Variants in CD38 observed in about 807,000 individuals in gnomAD.
The protein encoded by CD38 is ADP-ribosyl cyclase/cyclic ADP-ribose hydrolase 1.
Under a neutral mutation model 36.3 loss-of-function variants are expected in CD38, and 31 were observed. The observed-to-expected ratio is 0.85, with a 90% CI of 0.64 to 1.15. The LOEUF (loss-of-function observed/expected upper bound fraction) is 1.15. Ranked by LOEUF, CD38 falls within the 50% of genes most tolerant of loss-of-function variation. The pLI, the probability that CD38 is intolerant of heterozygous loss-of-function variation, is 0.00. For synonymous variants in CD38, 131 were observed against 135.2 expected, an observed-to-expected ratio of 0.97 and a Z score of 0.22; for missense variants, 380 against 371.9, an observed-to-expected ratio of 1.02 and a Z score of -0.18.
At chr4:15,790,557 C>T (rs1348031386) in intron 1 of CD38, among the ~76,000 whole-genome samples, 2 of 152,124 alleles carry the variant, frequency 1.3e-5, no homozygotes, top group East Asian at 3.9e-4. Context: ...CTGCCTTGGC[C>T]CCCCAAAGTG....
intron 1 of CD38, 25 bp from the exon 2 acceptor site, chr4:15,816,486 T>C (rs1410888352): frequency 6.4e-7 from 1 of 1,551,172 alleles, no homozygotes; most frequent in East Asian, 2.3e-5. Context: ...ATAATTTATG[T>C]TTTATTTTCT....
chr4:15,820,716 T>A (rs1487126069), intron 2 of CD38, among the ~76,000 whole-genome samples: 2 of 151,274 alleles, frequency 1.3e-5, no homozygotes, highest in African/African-American at 4.9e-5. Context: ...TCAAAGAGAT[T>A]TAGATACCCA....
chr4:15,808,303 C>G (rs1351921890), intron 1 of CD38, among the ~76,000 whole-genome samples: 1 of 152,212 alleles, frequency 6.6e-6, no homozygotes, highest in African/African-American at 2.4e-5. Context: ...TTACCTGTTA[C>G]ACAGTGTGGT....
chr4:15,790,429 C>T (rs1159409779), intron 1 of CD38, among the ~76,000 whole-genome samples: 5 of 152,000 alleles, frequency 3.3e-5, no homozygotes, highest in African/African-American at 4.8e-5. Context: ...CCGCCGGCCT[C>T]GGCCTCCCGA....
chr4:15,839,482 GAC>G (rs1000004314), intron 5 of CD38, among the ~76,000 whole-genome samples: 2 of 133,724 alleles, frequency 1.5e-5, no homozygotes, highest in Non-Finnish European at 3.1e-5. Context: ...GGAGTGCAGT[GAC>G]ACGGTCTCCG....
rs78519135 is a variant in CD38 at position 15,807,228 on chromosome 4, T to C, written c.234-9283T>C. On this transcript the variant is annotated intron_variant, in intron 1 of 7. Coordinates refer to ENST00000226279, the MANE Select transcript of CD38 (RefSeq NM_001775.4). ...AAGGAGACTGGCTTTTCCTGGATGC[T>C]GCCAGGAAGTAGTGGGATGGTAGTA... is the stretch of plus-strand genomic sequence containing the variant. Among the ~76,000 whole-genome samples the C allele has an allele frequency of 5.1e-3, 781 of 152,264 alleles. 5 individuals carry two copies. The highest frequency in any genetic ancestry group is 0.018 in the African/African-American group (742 of 41,558).
At chr4:15,839,722 T>C (rs1458090193) in intron 5 of CD38, among the ~76,000 whole-genome samples, 1 of 152,116 alleles carries the variant, frequency 6.6e-6, no homozygotes, top group African/African-American at 2.4e-5. Flanking sequence ...CATGCCTGGC[T>C]GAAATTCTAC....
Position 15,790,154 on chromosome 4 carries a change from T to C in CD38, c.233+11507T>C, listed in dbSNP as rs868345374. The stretch of plus-strand genomic sequence containing the variant: ...CTCTCCCTCTCCCTCTCCCTCTCCC[T>C]CTCCCCCTCTCCCTCCCCCTCCCCC... On this transcript the variant is annotated intron_variant, in intron 1 of 7. Coordinates refer to ENST00000226279, the MANE Select transcript of CD38 (RefSeq NM_001775.4). Among the ~76,000 whole-genome samples, 20 of 10,760 alleles carry C rather than the reference T, an allele frequency of 1.9e-3. No individual in the cohort carries two copies. In the African/African-American group the frequency reaches 0.02, roughly 11 times the overall value. The allele number at this position is 10,760 out of a possible 152,430, so 7.1% of individuals were successfully genotyped here.
intron 1 of CD38, among the ~76,000 whole-genome samples, chr4:15,812,151 C>A (rs1422685714): frequency 2.6e-5 from 4 of 152,084 alleles, no homozygotes; most frequent in Non-Finnish European, 4.4e-5. Flanking sequence ...TAGAACTGGT[C>A]CTGTGATTAC....
intron 7 of CD38, among the ~76,000 whole-genome samples, chr4:15,847,995 G>C (rs1167752840): frequency 6.6e-6 from 1 of 152,148 alleles, no homozygotes; most frequent in African/African-American, 2.4e-5. Flanking sequence ...AAGCCCAGGG[G>C]TGCTGGCAGC....
chr4:15,791,610 C>A (rs1378154331), intron 1 of CD38, among the ~76,000 whole-genome samples: 1 of 63,892 alleles, frequency 1.6e-5, no homozygotes, highest in Non-Finnish European at 3.1e-5. Context: ...CCAGCCGCCC[C>A]GTCCGGGAGG....
At chr4:15,786,368 C>A (rs980507231) in intron 1 of CD38, among the ~76,000 whole-genome samples, 1 of 152,202 alleles carries the variant, frequency 6.6e-6, no homozygotes, top group African/African-American at 2.4e-5. Context: ...ATTTACAAAC[C>A]TTGAGCTAGA....
At chr4:15,792,764 C>G (rs1723031600) in intron 1 of CD38, among the ~76,000 whole-genome samples, 1 of 152,190 alleles carries the variant, frequency 6.6e-6, no homozygotes, top group Admixed American at 6.5e-5. Flanking sequence ...ACACAACTAT[C>G]ATACCATCAT....
Position 15,810,708 on chromosome 4 carries a change from G to T in CD38, c.234-5803G>T, listed in dbSNP as rs577652159. ...TTCAAAGGCAAGTGTGGATGAAGTG[G>T]AAATATGGTGCACAGATATTGGAAA... is the stretch of plus-strand genomic sequence containing the variant. On this transcript the variant is annotated intron_variant, in intron 1 of 7. Transcript: ENST00000226279. Among the ~76,000 whole-genome samples the T allele has an allele frequency of 6.6e-5, 10 of 152,278 alleles. No homozygotes were observed. In the South Asian group the frequency reaches 2.1e-3, roughly 32 times the overall value.
chr4:15,792,284 C>G (rs576217894), intron 1 of CD38, among the ~76,000 whole-genome samples: 84 of 117,396 alleles, frequency 7.2e-4, no homozygotes, highest in Non-Finnish European at 1.2e-3. Flanking sequence ...GACACAAACA[C>G]TGCGGAAGGC....
rs1724357144 is a variant in CD38 at position 15,850,312 on chromosome 4, A to T, written c.*1710A>T. On this transcript the variant is annotated 3_prime_UTR_variant, in exon 8 of 8. Transcript: ENST00000226279. ...AGACCCTGTCTCAATAAAAGCAAAAATAAAGAAAATAAACCATATGTGTTG... is the reference window on the plus strand; with the variant it reads ...AGACCCTGTCTCAATAAAAGCAAAATTAAAGAAAATAAACCATATGTGTTG... The T allele has an allele frequency of 6.6e-6, 1 of 152,182 alleles. No individual in the cohort carries two copies. The highest frequency in any genetic ancestry group is 2.4e-5 in the African/African-American group (1 of 41,432). The allele number at this position is 152,182 out of a possible 1,614,324, so 9.4% of individuals were successfully genotyped here. A position where few individuals can be genotyped will look rare whatever the true frequency, so the allele number is the denominator to read the frequency against.
chr4:15,779,795 C>T (rs1170666262), intron 1 of CD38, among the ~76,000 whole-genome samples: 1 of 150,492 alleles, frequency 6.6e-6, no homozygotes, highest in Non-Finnish European at 1.5e-5. Context: ...AGAAAGCAAC[C>T]TCATTAAAAA....
rs1724394891 is a variant in CD38, at chr4:15,851,928, A to G, written c.*3326A>G. The G allele has an allele frequency of 6.6e-6, 1 of 152,216 alleles. No homozygotes were observed. Among genetic ancestry groups the G allele is most frequent in the Admixed American group, 6.5e-5 (1 of 15,276 alleles). The allele number at this position is 152,216 out of a possible 1,614,324, so 9.4% of individuals were successfully genotyped here. ...GTACTAAATGCTGTGGGCAATTTTA[A>G]CCTGATGGTAAATGTTTGTGTATCT... On this transcript the variant is annotated 3_prime_UTR_variant, in exon 8 of 8. Transcript: ENST00000226279.
At chr4:15,791,250 G>C (rs1335990719) in intron 1 of CD38, among the ~76,000 whole-genome samples, 18 of 50,586 alleles carry the variant, frequency 3.6e-4, no homozygotes, top group Admixed American at 6.4e-4. Context: ...GCCCGTACTG[G>C]GAAGTGAGGA....
Sources: gnomAD v4.1 joint callset for allele counts (sites outside exome capture counted in the v4.1 genomes callset) on GRCh38, gnomAD v4.1.1 for gene constraint, MANE v1.5 for transcripts, NCBI Gene and HGNC (gene_info 2026-07-23, HGNC 2026-07-21) for gene names.